ZNF514: variants seen among roughly 807,000 people sequenced by gnomAD.
ZNF514 encodes the protein zinc finger protein 514.
Under a neutral mutation model 9.7 loss-of-function variants are expected in ZNF514, and 12 were observed. That is an observed-to-expected ratio of 1.24 (90% CI 0.79 to 2.01). The LOEUF is 2.01. ZNF514 is among the 30% of genes most tolerant of loss of function. ZNF514 has a pLI of 0.00. For synonymous variants in ZNF514, 158 were observed against 163.7 expected (o/e 0.97, Z 0.27); for missense variants, 467 against 465.5 (o/e 1.00, Z -0.03).
chr2:95,151,128 AACCTGTGAGTGGGTT>A (rs1228008958), intron 4 of ZNF514, among the ~76,000 whole-genome samples: 1 of 152,202 alleles, frequency 6.6e-6, no homozygotes, highest in African/African-American at 2.4e-5. Context: ...TAATCACAAG[AACCTGTGAGTGGGTT>A]ACCTTATATG....
rs2104464045 is a variant in ZNF514 at position 95,149,384 on chromosome 2, A to C, written c.1101T>G (p.Thr367=). The stretch of plus-strand genomic sequence containing the variant: ...CATTACATTTGTAGGGTTTCTCTCC[A>C]GTGTGAAATCTGTAATGTTGAGTGA... ...SSLTQHYRFH[T]GEKPYKCNEC... is the part of the protein sequence containing the mutation. The change falls in exon 5 of 5, where the codon ACT becomes ACG. Residue 367 remains threonine, a synonymous_variant. Coordinates refer to ENST00000295208, the MANE Select transcript of ZNF514 (RefSeq NM_032788.3). 1 of 1,614,202 alleles carries C rather than the reference A, an allele frequency of 6.2e-7. No individual in the cohort carries two copies. Among genetic ancestry groups the C allele is most frequent in the Non-Finnish European group, 8.5e-7 (1 of 1,180,034 alleles).
chr2:95,149,272 T>C lies in ZNF514; in HGVS notation c.*10A>G. ...CACTCCAGCTGAAAGCCCTTCTATA[T>C]TCACTGAATTTATAGGGTTTTTTTT... On this transcript the variant is annotated 3_prime_UTR_variant, in exon 5 of 5. Transcript: ENST00000295208. 6.4e-7 allele frequency: 1 copy of C among 1,553,476 alleles called. No homozygotes were observed. Among genetic ancestry groups the C allele is most frequent in the African/African-American group, 1.4e-5 (1 of 72,828 alleles).
rs1673343414 is a variant in ZNF514, at chr2:95,145,739, T to C, written c.*3543A>G. On this transcript the variant is annotated 3_prime_UTR_variant, in exon 5 of 5. Coordinates refer to ENST00000295208, the MANE Select transcript of ZNF514 (RefSeq NM_032788.3). ...ATTGATGTCTTACATTCCCCTAAAATGTAAAAATGCATGAAACCAAGCTGT... is the reference window on the plus strand; with the variant it reads ...ATTGATGTCTTACATTCCCCTAAAACGTAAAAATGCATGAAACCAAGCTGT... Among the ~76,000 whole-genome samples, 1 of 152,154 alleles carries C rather than the reference T, an allele frequency of 6.6e-6. No homozygotes were observed. Among genetic ancestry groups the C allele is most frequent in the South Asian group, 2.1e-4 (1 of 4,826 alleles).
chr2:95,128,330 C>T, the ZNF514 span, among the ~76,000 whole-genome samples: 1 of 148,832 alleles, frequency 6.7e-6, no homozygotes, highest in Admixed American at 6.9e-5. Context: ...GTGAAGGTTG[C>T]AGTGAGCTGA....
At chr2:95,151,944 C>CT (rs1165978018) in intron 4 of ZNF514, among the ~76,000 whole-genome samples, 1 of 152,238 alleles carries the variant, frequency 6.6e-6, no homozygotes, top group Non-Finnish European at 1.5e-5. Context: ...AAAGCCCAGC[C>CT]TATCCTCTCA....
At chr2:95,124,336 C>G in the ZNF514 span, among the ~76,000 whole-genome samples, 1 of 152,100 alleles carries the variant, frequency 6.6e-6, no homozygotes, top group Non-Finnish European at 1.5e-5. Context: ...TTTTTTCACT[C>G]AGCATAATAC....
the ZNF514 span, among the ~76,000 whole-genome samples, chr2:95,128,978 G>A: frequency 6.6e-6 from 1 of 152,192 alleles, no homozygotes; most frequent in Non-Finnish European, 1.5e-5. Flanking sequence ...CCAAGCCTTT[G>A]GATCGCTTCT....
At chr2:95,157,243 A>T in intron 2 of ZNF514, 108 bp downstream of exon 2, 1 of 603,266 alleles carries the variant, frequency 1.7e-6, no homozygotes, top group Non-Finnish European at 2.7e-6. Flanking sequence ...CTGCAGAGAC[A>T]GCATTGGGTC....
chr2:95,149,109 G>T lies in ZNF514; in HGVS notation c.*173C>A. On this transcript the variant is annotated 3_prime_UTR_variant, in exon 5 of 5. Transcript: ENST00000295208. ...TCCCATGTTTGGTAAGAGAGGGGAA[G>T]CCCACCCCCTCTTGACATTGACAGG... 1.3e-6 allele frequency: 1 copy of T among 778,272 alleles called. No individual in the cohort carries two copies. Among genetic ancestry groups the T allele is most frequent in the Non-Finnish European group, 2.0e-6 (1 of 512,112 alleles). 48.2% of individuals were successfully genotyped at this position (778,272 alleles called of 1,614,324 possible).
At chr2:95,125,300 G>T in the ZNF514 span, among the ~76,000 whole-genome samples, 2 of 150,994 alleles carry the variant, frequency 1.3e-5, no homozygotes, top group Non-Finnish European at 2.9e-5. Flanking sequence ...GAGTATAGTG[G>T]CATGATCTCA....
chr2:95,158,687 A>C (rs1301029458), intron 1 of ZNF514, among the ~76,000 whole-genome samples: 1 of 152,222 alleles, frequency 6.6e-6, no homozygotes, highest in African/African-American at 2.4e-5. Context: ...GGAAGAGATC[A>C]GATCCTCTTC....
chr2:95,151,831 G>A (rs1673554007), intron 4 of ZNF514, among the ~76,000 whole-genome samples: 1 of 152,158 alleles, frequency 6.6e-6, no homozygotes. Flanking sequence ...AGATCCAGAT[G>A]TCAGACCCTT....
chr2:95,139,154 C>T, the ZNF514 span, among the ~76,000 whole-genome samples: 4 of 152,358 alleles, frequency 2.6e-5, no homozygotes, highest in Middle Eastern at 3.4e-3. Context: ...ATGAGAAAGA[C>T]TCAGTGCCCA....
chr2:95,150,176 G>T lies in ZNF514; in HGVS notation c.309C>A (p.His103Gln). The T allele has an allele frequency of 6.2e-7, 1 of 1,608,012 alleles. No individual in the cohort carries two copies. Residue 103 changes from histidine to glutamine, a missense_variant, in exon 5 of 5, where the codon CAC (histidine) becomes CAA (glutamine). By Grantham distance (24) the His-to-Gln change is conservative. Transcript: ENST00000295208. ...ELFQVVSVEKHIQDVLQFSKL... is the reference protein window; with the variant it reads ...ELFQVVSVEKQIQDVLQFSKL... ...TCGAGAACTGCAGCACATCTTGAAT[G>T]TGTTTTTCCACTGATACTACCTGGA... is the stretch of plus-strand genomic sequence containing the variant.
chr2:95,143,078 T>C (rs546767504), downstream of ZNF514, among the ~76,000 whole-genome samples: 99 of 152,326 alleles, frequency 6.5e-4, no homozygotes, highest in African/African-American at 2.4e-3. Context: ...TGCTCTCTTA[T>C]CAGATGATTG....
At position 95,153,139 on chromosome 2, in the gene ZNF514, T is replaced by TGGCC; in HGVS notation, c.111_114dup (p.Ile39GlyfsTer21). 6.2e-7 allele frequency: 1 copy of TGGCC among 1,612,030 alleles called. No individual in the cohort carries two copies. Among genetic ancestry groups the TGGCC allele is most frequent in the South Asian group, 1.1e-5 (1 of 90,956 alleles). ...TTGGAGGGCTTGTGCTCACCCAGAA[T>TGGCC]GGCCAAGTTCCTGAAGTTCTCCAGC... On this transcript the variant is annotated frameshift_variant, in exon 3 of 5. Transcript: ENST00000295208. LOFTEE classifies it high-confidence loss of function.
intron 4 of ZNF514, among the ~76,000 whole-genome samples, chr2:95,151,194 G>C (rs573788103): frequency 6.6e-6 from 1 of 152,300 alleles, no homozygotes; most frequent in South Asian, 2.1e-4. Flanking sequence ...GCACAGACCT[G>C]GAGATGGGGA....
In ZNF514 at chr2:95,146,598, G is replaced by A. The variant is rs943070443; in HGVS notation, c.*2684C>T. Among the ~76,000 whole-genome samples the A allele has an allele frequency of 6.6e-6, 1 of 150,712 alleles. No individual in the cohort carries two copies. Among genetic ancestry groups the A allele is most frequent in the Non-Finnish European group, 1.5e-5 (1 of 67,792 alleles). On this transcript the variant is annotated 3_prime_UTR_variant, in exon 5 of 5. Transcript: ENST00000295208. Reference sequence around the variant, plus strand: ...CAGGAGGTTGGAGCAGCCTAAAGAGGGCATTATATACCACACACGGGGGGT... The same window carrying A: ...CAGGAGGTTGGAGCAGCCTAAAGAGAGCATTATATACCACACACGGGGGGT...
chr2:95,142,826 C>T (rs1673277935), downstream of ZNF514, among the ~76,000 whole-genome samples: 1 of 152,228 alleles, frequency 6.6e-6, no homozygotes, highest in Non-Finnish European at 1.5e-5. Flanking sequence ...CTATCACTAA[C>T]TCTGGCCGAA....
Sources: gnomAD v4.1 joint callset for allele counts (sites outside exome capture counted in the v4.1 genomes callset) on GRCh38, gnomAD v4.1.1 for gene constraint, MANE v1.5 for transcripts, NCBI Gene and HGNC (gene_info 2026-07-23, HGNC 2026-07-21) for gene names.